The following CENPQ variants were observed in gnomAD, a reference collection of about 807,000 sequenced individuals.
The protein encoded by CENPQ is chromosome 6 open reading frame 139.
Under a neutral mutation model 36.6 loss-of-function variants are expected in CENPQ, and 27 were observed. That is an observed-to-expected ratio of 0.74 (90% CI 0.54 to 1.02). The LOEUF is 1.02. Ranked by LOEUF, CENPQ falls within the 50% of genes least tolerant of loss-of-function variation. CENPQ has a pLI of 0.00. For synonymous variants in CENPQ, 101 were observed against 101.7 expected (o/e 0.99, Z 0.04); for missense variants, 306 against 301.8 (o/e 1.01, Z -0.10).
In CENPQ at chr6:49,479,194, T is replaced by C. The variant is rs144782572; in HGVS notation, c.348-1757T>C. On this transcript the variant is annotated intron_variant, in intron 5 of 8. Transcript: ENST00000335783. Reference sequence around the variant, plus strand: ...GTGGGGTTTTTGCTGCCTACTTTTTTCTTTACAAAAATTAAAATTTTATTT... The same window carrying C: ...GTGGGGTTTTTGCTGCCTACTTTTTCCTTTACAAAAATTAAAATTTTATTT... Among the ~76,000 whole-genome samples the C allele has an allele frequency of 7.0e-3, 1,068 of 152,240 alleles. 19 individuals carry two copies. Among genetic ancestry groups the C allele is most frequent in the African/African-American group, 0.025 (1,025 of 41,548 alleles).
chr6:49,475,313 A>G (rs1191298402), intron 5 of CENPQ, among the ~76,000 whole-genome samples: 1 of 152,154 alleles, frequency 6.6e-6, no homozygotes, highest in Non-Finnish European at 1.5e-5. Flanking sequence ...ACCAAACCAA[A>G]AACAAAAACC....
chr6:49,470,420 G>A (rs1466960889), intron 2 of CENPQ, 142 bp downstream of exon 2: 8 of 444,978 alleles, frequency 1.8e-5, no homozygotes, highest in Admixed American at 4.2e-5. Context: ...TGGCTAACAT[G>A]ATGAAACCCC....
At chr6:49,487,750 G>A (rs1003796986) in intron 6 of CENPQ, among the ~76,000 whole-genome samples, 7 of 152,022 alleles carry the variant, frequency 4.6e-5, no homozygotes, top group Middle Eastern at 3.4e-3. Flanking sequence ...TTTATACTTG[G>A]CCTGCACACA....
intron 5 of CENPQ, among the ~76,000 whole-genome samples, chr6:49,477,922 T>C (rs1768341373): frequency 6.6e-6 from 1 of 152,206 alleles, no homozygotes; most frequent in African/African-American, 2.4e-5. Flanking sequence ...CAAATACTAA[T>C]GTTTAGTTTA....
chr6:49,482,928 G>A (rs1018457780), intron 6 of CENPQ, among the ~76,000 whole-genome samples: 3 of 152,148 alleles, frequency 2.0e-5, no homozygotes, highest in Non-Finnish European at 2.9e-5. Flanking sequence ...TAAAGGCAGC[G>A]TGGACCCAAA....
At chr6:49,486,171 T>A (rs1403658094) in intron 6 of CENPQ, among the ~76,000 whole-genome samples, 1 of 152,130 alleles carries the variant, frequency 6.6e-6, no homozygotes, top group Non-Finnish European at 1.5e-5. Context: ...ACTAGAGCAA[T>A]GCAGCTACAA....
At chr6:49,483,768 G>GCGCAGCCCCGGTTCCCGCT (rs1768511977) in intron 6 of CENPQ, among the ~76,000 whole-genome samples, 1 of 152,238 alleles carries the variant, frequency 6.6e-6, no homozygotes, top group Non-Finnish European at 1.5e-5. Flanking sequence ...CAAGCACCGG[G>GCGCAGCCCCGGTTCCCGCT]CGCAGCCCCG....
chr6:49,466,952 T>G (rs193130437), intron 1 of CENPQ, among the ~76,000 whole-genome samples: 117 of 152,290 alleles, frequency 7.7e-4, no homozygotes, highest in African/African-American at 2.7e-3. Flanking sequence ...CCTGGGTTGA[T>G]TTTGACCCAG....
At chr6:49,482,493 T>C (rs1768461586) in intron 6 of CENPQ, among the ~76,000 whole-genome samples, 1 of 152,152 alleles carries the variant, frequency 6.6e-6, no homozygotes, top group Non-Finnish European at 1.5e-5. Context: ...GGAGTTGTAG[T>C]GTCCTCCAGA....
At chr6:49,487,916 A>T (rs1768629198) in intron 6 of CENPQ, among the ~76,000 whole-genome samples, 1 of 152,062 alleles carries the variant, frequency 6.6e-6, no homozygotes, top group Non-Finnish European at 1.5e-5. Flanking sequence ...TCCTTTTGAC[A>T]AATTAAAATA....
intron 6 of CENPQ, among the ~76,000 whole-genome samples, chr6:49,481,947 G>A (rs1205372291): frequency 1.3e-5 from 2 of 152,204 alleles, no homozygotes; most frequent in Non-Finnish European, 2.9e-5. Context: ...ATGGCGGGCT[G>A]CAGGTCCTGA....
At chr6:49,474,091 CA>C (rs758837140) in intron 5 of CENPQ, among the ~76,000 whole-genome samples, 1 of 152,126 alleles carries the variant, frequency 6.6e-6, no homozygotes, top group Non-Finnish European at 1.5e-5. Flanking sequence ...ACCCCACTGT[CA>C]ACACTAGACA....
At chr6:49,464,400 A>G (rs1767946931) in intron 1 of CENPQ, among the ~76,000 whole-genome samples, 1 of 152,188 alleles carries the variant, frequency 6.6e-6, no homozygotes, top group Non-Finnish European at 1.5e-5. Flanking sequence ...CTGTTGACCA[A>G]TCAGGGTGAT....
At chr6:49,467,556 T>C (rs1274420527) in intron 1 of CENPQ, among the ~76,000 whole-genome samples, 1 of 152,252 alleles carries the variant, frequency 6.6e-6, no homozygotes, top group Non-Finnish European at 1.5e-5. Context: ...AGGCTAATTA[T>C]TTTATGATAA....
Position 49,472,165 on chromosome 6 carries a change from T to C in CENPQ, c.260T>C (p.Met87Thr), listed in dbSNP as rs768679177. 1.2e-6 allele frequency: 2 copies of C among 1,611,122 alleles called. No individual in the cohort carries two copies. Among genetic ancestry groups the C allele is most frequent in the African/African-American group, 1.3e-5 (1 of 74,758 alleles). The change falls in exon 4 of 9, where the codon ATG becomes ACG. Residue 87 changes from methionine to threonine, a missense_variant. Physicochemically the swap from Met to Thr is moderately conservative, Grantham distance 81. Coordinates refer to ENST00000335783, the MANE Select transcript of CENPQ (RefSeq NM_018132.4). ...AGTACCAGAGACCATTTGCAAACTA[T>C]GATGGAATCAGTAATAATGTGAGTA... The part of the protein sequence containing the change: ...SKSTRDHLQT[M>T]MESVIMTILS...
intron 1 of CENPQ, among the ~76,000 whole-genome samples, chr6:49,469,083 A>G (rs1314724898): frequency 1.3e-5 from 2 of 152,208 alleles, no homozygotes; most frequent in Non-Finnish European, 2.9e-5. Flanking sequence ...AACTGGTGTG[A>G]TATGTGGTTG....
intron 1 of CENPQ, among the ~76,000 whole-genome samples, chr6:49,469,589 G>C (rs1179318778): frequency 6.6e-6 from 1 of 152,104 alleles, no homozygotes; most frequent in Admixed American, 6.5e-5. Flanking sequence ...CTGTACTCTT[G>C]TTAAAATGCA....
At chr6:49,485,375 A>C (rs2127427520) in intron 6 of CENPQ, among the ~76,000 whole-genome samples, 1 of 152,344 alleles carries the variant, frequency 6.6e-6, no homozygotes, top group South Asian at 2.1e-4. Flanking sequence ...AGAACAGCTG[A>C]AGCATAATTT....
intron 1 of CENPQ, among the ~76,000 whole-genome samples, chr6:49,465,450 G>A (rs1279334900): frequency 6.6e-6 from 1 of 152,212 alleles, no homozygotes; most frequent in African/African-American, 2.4e-5. Context: ...TTTGAAGCCA[G>A]GCAATGACTT....
Sources: allele counts gnomAD v4.1 joint callset (sites outside exome capture counted in the v4.1 genomes callset), GRCh38; gene constraint gnomAD v4.1.1; transcripts MANE v1.5; gene names NCBI Gene and HGNC (gene_info 2026-07-23, HGNC 2026-07-21).